Variants in FLRT2 observed in about 807,000 individuals in gnomAD.
FLRT2 encodes the protein leucine-rich repeat transmembrane protein FLRT2.
In FLRT2, 15 loss-of-function variants were observed where a neutral mutation model predicts 40.0. The ratio of observed to expected loss-of-function variants is 0.38; its 90% CI spans 0.25 to 0.58. The LOEUF (loss-of-function observed/expected upper bound fraction) is 0.58, where lower values mean the gene tolerates loss of function less well. FLRT2 is among the 20% of genes least tolerant of loss of function. The pLI, the probability that FLRT2 is intolerant of heterozygous loss-of-function variation, is 0.71. For synonymous variants in FLRT2, 380 were observed against 336.8 expected (o/e 1.13, Z -1.41); for missense variants, 726 against 840.0 (o/e 0.86, Z 1.68).
chr14:85,558,470 G>A (rs949011100), intron 1 of FLRT2, among the ~76,000 whole-genome samples: 16 of 152,138 alleles, frequency 1.1e-4, no homozygotes, highest in African/African-American at 3.9e-4. Context: ...GATAAATGTC[G>A]ATATGCATTA....
rs1326250764 is a variant in FLRT2 at position 85,634,026 on chromosome 14, G to A, written c.*10529G>A. The A allele has an allele frequency of 2.6e-5, 4 of 151,978 alleles. No homozygotes were observed. The highest frequency in any genetic ancestry group is 4.8e-5 in the African/African-American group (2 of 41,346). The allele number at this position is 151,978 out of a possible 1,614,324, so 9.4% of individuals were successfully genotyped here. On this transcript the variant is annotated 3_prime_UTR_variant, in exon 2 of 2. Transcript: ENST00000330753. The stretch of plus-strand genomic sequence containing the variant: ...TGTCATGTGGTTACTTTTTGCAATC[G>A]ATATCATTATTAAGTTTGGAAGCTG...
intron 1 of FLRT2, among the ~76,000 whole-genome samples, chr14:85,606,817 C>T (rs563426326): frequency 4.0e-5 from 6 of 151,124 alleles, no homozygotes; most frequent in South Asian, 2.1e-4. Flanking sequence ...CCACCGCACC[C>T]GGCCGTTAGC....
rs906225086 is a variant in FLRT2, at chr14:85,647,121, C to T, written c.*23624C>T. 3 of 152,176 alleles carry T rather than the reference C, an allele frequency of 2.0e-5. No homozygotes were observed. The highest frequency in any genetic ancestry group is 4.4e-5 in the Non-Finnish European group (3 of 68,032). 9.4% of individuals were successfully genotyped at this position (152,176 alleles called of 1,614,324 possible). A position where few individuals can be genotyped will look rare whatever the true frequency, so the allele number is the denominator to read the frequency against. The stretch of plus-strand genomic sequence containing the variant: ...ACAACCTCATACAATTTTAGTATCT[C>T]ATATGCTTCGTGTACATGTCATGTA... On this transcript the variant is annotated 3_prime_UTR_variant, in exon 2 of 2. Coordinates refer to ENST00000330753, the MANE Select transcript of FLRT2 (RefSeq NM_013231.6).
intron 1 of FLRT2, among the ~76,000 whole-genome samples, chr14:85,614,750 C>A (rs1177708459): frequency 6.6e-6 from 1 of 152,056 alleles, no homozygotes; most frequent in Non-Finnish European, 1.5e-5. Context: ...GTTTGGGGAA[C>A]CACTGTACCA....
chr14:85,608,824 A>G (rs1254971650), intron 1 of FLRT2, among the ~76,000 whole-genome samples: 1 of 152,204 alleles, frequency 6.6e-6, no homozygotes, highest in East Asian at 1.9e-4. Context: ...AACATTTGCC[A>G]GCGTCCTGAG....
intron 1 of FLRT2, among the ~76,000 whole-genome samples, chr14:85,582,310 C>T (rs533788035): frequency 6.6e-6 from 1 of 152,044 alleles, no homozygotes; most frequent in Non-Finnish European, 1.5e-5. Flanking sequence ...ATTTAGGAAC[C>T]TCTGTGAAAG....
chr14:85,568,246 C>G (rs2139856977), intron 1 of FLRT2, among the ~76,000 whole-genome samples: 1 of 151,984 alleles, frequency 6.6e-6, no homozygotes, highest in Non-Finnish European at 1.5e-5. Flanking sequence ...GATCATGGGG[C>G]TTGGAGGCAG....
chr14:85,547,357 C>G (rs1427507697), intron 1 of FLRT2, among the ~76,000 whole-genome samples: 1 of 142,446 alleles, frequency 7.0e-6, no homozygotes, highest in African/African-American at 2.6e-5. Flanking sequence ...GAGTTTCGCT[C>G]TTTCGCCCAG....
intron 1 of FLRT2, among the ~76,000 whole-genome samples, chr14:85,596,451 T>C (rs1004398129): frequency 2.0e-5 from 3 of 152,210 alleles, no homozygotes; most frequent in African/African-American, 7.2e-5. Flanking sequence ...CCTTTTACAA[T>C]CATGGACCAA....
chr14:85,617,467 A>T (rs933269343), intron 1 of FLRT2, among the ~76,000 whole-genome samples: 1 of 152,150 alleles, frequency 6.6e-6, no homozygotes, highest in Non-Finnish European at 1.5e-5. Flanking sequence ...CTACTTGGTG[A>T]TAGAAGTAGG....
At chr14:85,536,961 T>C (rs1010151671) in intron 1 of FLRT2, among the ~76,000 whole-genome samples, 2 of 152,182 alleles carry the variant, frequency 1.3e-5, no homozygotes, top group Non-Finnish European at 2.9e-5. Flanking sequence ...TGAATGTAAG[T>C]GAAATTTTAT....
intron 1 of FLRT2, among the ~76,000 whole-genome samples, chr14:85,588,015 T>A (rs1891705824): frequency 1.3e-5 from 2 of 152,004 alleles, no homozygotes; most frequent in South Asian, 4.2e-4. Context: ...CACCGCAATC[T>A]CGGCCTCCCG....
chr14:85,606,671 C>T (rs909185480), intron 1 of FLRT2, among the ~76,000 whole-genome samples: 1 of 151,238 alleles, frequency 6.6e-6, no homozygotes, highest in Admixed American at 6.6e-5. Context: ...ATTACAGGCA[C>T]GCACCACCAC....
At chr14:85,547,418 G>T (rs1889343566) in intron 1 of FLRT2, among the ~76,000 whole-genome samples, 1 of 150,812 alleles carries the variant, frequency 6.6e-6, no homozygotes, top group Non-Finnish European at 1.5e-5. Context: ...CTGCCTTCCA[G>T]TTTCAAGCGA....
At chr14:85,538,777 G>A (rs1888816832) in intron 1 of FLRT2, among the ~76,000 whole-genome samples, 1 of 152,128 alleles carries the variant, frequency 6.6e-6, no homozygotes, top group South Asian at 2.1e-4. Context: ...GTCCATTGAA[G>A]TCAACAGAGG....
chr14:85,574,523 T>C (rs1347140138), intron 1 of FLRT2, among the ~76,000 whole-genome samples: 2 of 152,174 alleles, frequency 1.3e-5, no homozygotes, highest in Non-Finnish European at 2.9e-5. Context: ...TTAAAATGTA[T>C]TGAGTCCTTT....
intron 1 of FLRT2, among the ~76,000 whole-genome samples, chr14:85,577,587 A>AT (rs764441299): frequency 0.084 from 12,570 of 148,856 alleles, 701 homozygotes; most frequent in Middle Eastern, 0.14. Context: ...TTTCCTGATT[A>AT]TTTTTTTTTT....
rs569783856 is a variant in FLRT2, at chr14:85,600,965, A to G, written c.-376-20174A>G. ...TTTAGTCTTTATCAAGCCAGGAGAT[A>G]GATAGGACTTTCATTTCATATTGTG... On this transcript the variant is annotated intron_variant, in intron 1 of 1. Coordinates refer to ENST00000330753, the MANE Select transcript of FLRT2 (RefSeq NM_013231.6). Among the ~76,000 whole-genome samples, 6 of 152,320 alleles carry G rather than the reference A, an allele frequency of 3.9e-5. No homozygotes were observed. The East Asian group carries it at 1.2e-3, about 29-fold the overall frequency.
At chr14:85,555,689 C>CTTTTTTTATTT (rs372243726) in intron 1 of FLRT2, among the ~76,000 whole-genome samples, 3 of 117,824 alleles carry the variant, frequency 2.5e-5, no homozygotes, top group African/African-American at 1.1e-4. Context: ...TATCTGAAAT[C>CTTTTTTTATTT]TATTTTATTT....
Sources: gnomAD v4.1 joint callset for allele counts (sites outside exome capture counted in the v4.1 genomes callset) on GRCh38, gnomAD v4.1.1 for gene constraint, MANE v1.5 for transcripts, NCBI Gene and HGNC (gene_info 2026-07-23, HGNC 2026-07-21) for gene names.